The following CELF2 variants were observed in gnomAD, a reference collection of about 807,000 sequenced individuals.
CELF2 encodes the protein CUGBP Elav-like family member 2, also known as CUG triplet repeat RNA-binding protein 2.
A neutral mutation model predicts 62.6 loss-of-function variants in CELF2; 8 were observed. The observed-to-expected ratio is 0.13, with a 90% CI of 0.07 to 0.23. The LOEUF (loss-of-function observed/expected upper bound fraction) is 0.23, where lower values mean the gene tolerates loss of function less well. CELF2 is among the 10% of genes least tolerant of loss of function. The pLI is 1.00. For synonymous variants in CELF2, 258 were observed against 250.0 expected (o/e 1.03, Z -0.30); for missense variants, 333 against 671.0 (o/e 0.50, Z 5.56).
At chr10:11,251,795 C>G (rs545478054) in intron 4 of CELF2, among the ~76,000 whole-genome samples, 347 of 152,258 alleles carry the variant, frequency 2.3e-3, no homozygotes, top group Non-Finnish European at 3.4e-3. Context: ...AGCATAATAC[C>G]CGGCACGTAG....
intron 1 of CELF2, among the ~76,000 whole-genome samples, chr10:10,907,563 G>A (rs2063448389): frequency 6.6e-6 from 1 of 152,192 alleles, no homozygotes; most frequent in South Asian, 2.1e-4. Context: ...CCACACTCAT[G>A]AGATGAGGTA....
At chr10:11,112,924 CCTGA>C (rs1564793269) in intron 1 of CELF2, among the ~76,000 whole-genome samples, 1 of 152,076 alleles carries the variant, frequency 6.6e-6, no homozygotes, top group African/African-American at 2.4e-5. Context: ...AAGCTTGTGT[CCTGA>C]CTGAGTCATG....
At chr10:10,785,414 T>A in the CELF2 span, among the ~76,000 whole-genome samples, 2 of 152,216 alleles carry the variant, frequency 1.3e-5, no homozygotes, top group Non-Finnish European at 2.9e-5. Context: ...TGAAGAGATA[T>A]CTGCTCTCCC....
chr10:11,228,886 G>C (rs1194718081), intron 3 of CELF2, among the ~76,000 whole-genome samples: 1 of 152,184 alleles, frequency 6.6e-6, no homozygotes, highest in Admixed American at 6.5e-5. Flanking sequence ...AAATACTTAA[G>C]AGAGAATCAA....
At chr10:10,649,958 C>A in the CELF2 span, among the ~76,000 whole-genome samples, 3 of 151,940 alleles carry the variant, frequency 2.0e-5, no homozygotes, top group African/African-American at 7.3e-5. Context: ...AGATCGATGC[C>A]CGAGACAACA....
At chr10:10,530,339 A>G in the CELF2 span, among the ~76,000 whole-genome samples, 1 of 152,346 alleles carries the variant, frequency 6.6e-6, no homozygotes, top group Non-Finnish European at 1.5e-5. Context: ...CTTAATTACT[A>G]TAGTTTGCAA....
At chr10:10,992,660 A>G (rs2053557810) in intron 2 of CELF2, among the ~76,000 whole-genome samples, 1 of 152,244 alleles carries the variant, frequency 6.6e-6, no homozygotes, top group South Asian at 2.1e-4. Context: ...GTTCAGCCAA[A>G]GAAACAGAAC....
intron 1 of CELF2, among the ~76,000 whole-genome samples, chr10:10,826,668 C>T (rs1462009697): frequency 3.9e-5 from 6 of 152,062 alleles, no homozygotes; most frequent in Non-Finnish European, 7.4e-5. Context: ...CTGAGAAGTT[C>T]GAGATCCAGA....
At chr10:10,507,130 C>A in the CELF2 span, among the ~76,000 whole-genome samples, 3 of 152,132 alleles carry the variant, frequency 2.0e-5, no homozygotes, top group Non-Finnish European at 4.4e-5. Context: ...AGGTTTCAGG[C>A]ACTTCAATGT....
intron 1 of CELF2, among the ~76,000 whole-genome samples, chr10:11,134,970 G>A (rs1049272958): frequency 2.6e-5 from 4 of 152,232 alleles, no homozygotes; most frequent in Non-Finnish European, 2.9e-5. Context: ...CATCAATGCT[G>A]TTTAAAATCT....
chr10:10,781,527 C>G, the CELF2 span, among the ~76,000 whole-genome samples: 1 of 152,148 alleles, frequency 6.6e-6, no homozygotes, highest in Non-Finnish European at 1.5e-5. Flanking sequence ...GGGAACTGCC[C>G]TTTATAAGAC....
At chr10:10,621,150 A>C in the CELF2 span, among the ~76,000 whole-genome samples, 2 of 149,242 alleles carry the variant, frequency 1.3e-5, no homozygotes, top group Non-Finnish European at 1.5e-5. Context: ...AGGCTGAGGC[A>C]GGAGAATGGC....
the CELF2 span, among the ~76,000 whole-genome samples, chr10:10,619,877 G>C: frequency 6.6e-6 from 1 of 152,080 alleles, no homozygotes; most frequent in Admixed American, 6.5e-5. Context: ...TTGGCTTGTC[G>C]GTAATGACAG....
At chr10:10,900,266 C>T (rs1055644046) in intron 1 of CELF2, among the ~76,000 whole-genome samples, 5 of 152,102 alleles carry the variant, frequency 3.3e-5, no homozygotes, top group African/African-American at 1.2e-4. Context: ...AGCAAGGGTG[C>T]TACAAGAAAA....
At chr10:10,729,811 C>G in the CELF2 span, among the ~76,000 whole-genome samples, 2 of 152,020 alleles carry the variant, frequency 1.3e-5, 1 homozygote, top group East Asian at 3.9e-4. Flanking sequence ...ATCATTGTGC[C>G]TCCTAGCATG....
At chr10:10,872,656 AAAC>A (rs1328654457) in intron 1 of CELF2, among the ~76,000 whole-genome samples, 6 of 138,534 alleles carry the variant, frequency 4.3e-5, no homozygotes, top group East Asian at 5.4e-4. Flanking sequence ...CACAGAAGCA[AAAC>A]AACAACAACA....
At chr10:10,950,423 G>T (rs1366102173) in intron 2 of CELF2, among the ~76,000 whole-genome samples, 1 of 152,252 alleles carries the variant, frequency 6.6e-6, no homozygotes, top group South Asian at 2.1e-4. Context: ...AAAGACAAAG[G>T]AAATGTGTGA....
At chr10:10,899,608 G>A (rs935771771) in intron 1 of CELF2, among the ~76,000 whole-genome samples, 7 of 152,120 alleles carry the variant, frequency 4.6e-5, no homozygotes, top group African/African-American at 7.2e-5. Flanking sequence ...GTACTAGTCC[G>A]TTCTCGCACT....
the CELF2 span, among the ~76,000 whole-genome samples, chr10:10,662,000 A>C: frequency 3.9e-5 from 6 of 152,088 alleles, no homozygotes; most frequent in African/African-American, 1.4e-4. Context: ...GTAGCCTCCC[A>C]GGTACCTCTG....
Sources: gnomAD v4.1 joint callset for allele counts (sites outside exome capture counted in the v4.1 genomes callset) on GRCh38, gnomAD v4.1.1 for gene constraint, MANE v1.5 for transcripts, NCBI Gene and HGNC (gene_info 2026-07-23, HGNC 2026-07-21) for gene names.